RBFOX2: variants seen among roughly 807,000 people sequenced by gnomAD.
RBFOX2 encodes the protein RNA binding fox-1 homolog 2.
RBFOX2 carries 10 observed loss-of-function variants against 49.1 expected under a neutral mutation model. The ratio of observed to expected loss-of-function variants is 0.20; its 90% CI spans 0.13 to 0.35. The LOEUF is 0.35. Ranked by LOEUF, RBFOX2 falls within the 10% of genes least tolerant of loss-of-function variation. The pLI, the probability that RBFOX2 is intolerant of heterozygous loss-of-function variation, is 1.00. For missense variants in RBFOX2, 323 were observed against 486.9 expected, an observed-to-expected ratio of 0.66 and a Z score of 3.17; for synonymous variants, 183 against 187.4, an observed-to-expected ratio of 0.98 and a Z score of 0.19.
rs139155564 is a variant in RBFOX2 at position 35,985,364 on chromosome 22, C to T, written c.186+42876G>A. On this transcript the variant is annotated intron_variant, in intron 1 of 13. Coordinates refer to the RBFOX2 transcript ENST00000438146. ...GTAAAATGGGTAGACTGGATTAGAC[C>T]GGGATTGTAACACTCACCAGAGGTA... Among the ~76,000 whole-genome samples the T allele has an allele frequency of 2.7e-4, 41 of 152,182 alleles. No individual in the cohort carries two copies. In the East Asian group the frequency reaches 6.8e-3, roughly 25 times the overall value.
intron 1 of RBFOX2, among the ~76,000 whole-genome samples, chr22:35,859,261 A>G (rs1412774666): frequency 1.3e-5 from 2 of 152,198 alleles, no homozygotes; most frequent in African/African-American, 2.4e-5. Context: ...TAAAAAAACT[A>G]GCGGGAGTTT....
Position 35,866,726 on chromosome 22 carries a change from A to C in RBFOX2, c.-33-56722T>G, listed in dbSNP as rs530234638. 1.6e-4 allele frequency among the ~76,000 whole-genome samples: 24 copies of C among 152,184 alleles called. 1 individual carries two copies. The highest frequency in any genetic ancestry group is 2.9e-4 in the Non-Finnish European group (20 of 68,040). On this transcript the variant is annotated intron_variant, in intron 1 of 13. Transcript: ENST00000359369. Reference sequence around the variant, plus strand: ...CACTGACAAAAAAAAGCCCCCAGTGAAAGGCTCCTCTCAGCCAAAGAACAA... The same window carrying C: ...CACTGACAAAAAAAAGCCCCCAGTGCAAGGCTCCTCTCAGCCAAAGAACAA...
Position 35,861,134 on chromosome 22 carries a change from C to T in RBFOX2, c.-33-51130G>A, listed in dbSNP as rs115445342. On this transcript the variant is annotated intron_variant, in intron 1 of 13. Transcript: ENST00000359369. ...GCTGACACAACTGGATGAAAAGAAA[C>T]GAGATTTATACTTCTTTCCAAATAC... Among the ~76,000 whole-genome samples, 704 of 152,188 alleles carry T rather than the reference C, an allele frequency of 4.6e-3. 3 individuals carry two copies. The highest frequency in any genetic ancestry group is 0.016 in the African/African-American group (670 of 41,518).
chr22:35,814,159 G>A (rs1305577572), intron 1 of RBFOX2, among the ~76,000 whole-genome samples: 1 of 152,120 alleles, frequency 6.6e-6, no homozygotes, highest in Admixed American at 6.5e-5. Flanking sequence ...TATGCTAAAT[G>A]TTTTCATTCT....
intron 1 of RBFOX2, among the ~76,000 whole-genome samples, chr22:35,977,141 T>C (rs1388231676): frequency 6.6e-6 from 1 of 152,060 alleles, no homozygotes; most frequent in Non-Finnish European, 1.5e-5. Context: ...AGATATCCAT[T>C]ATATACCTAT....
At chr22:35,859,236 G>A (rs938381487) in intron 1 of RBFOX2, among the ~76,000 whole-genome samples, 45 of 152,106 alleles carry the variant, frequency 3.0e-4, no homozygotes, top group Non-Finnish European at 5.3e-4. Flanking sequence ...AGCAATTAAT[G>A]CTTAAAATGT....
intron 1 of RBFOX2, among the ~76,000 whole-genome samples, chr22:35,900,342 T>C (rs915034332): frequency 2.2e-4 from 33 of 152,068 alleles, no homozygotes; most frequent in African/African-American, 8.0e-4. Flanking sequence ...GCTACTTGTT[T>C]TATACGAGTT....
intron 1 of RBFOX2, among the ~76,000 whole-genome samples, chr22:35,857,922 T>A (rs1198001670): frequency 6.6e-6 from 1 of 152,206 alleles, no homozygotes; most frequent in Non-Finnish European, 1.5e-5. Context: ...CGATCTCACA[T>A]CCTTTATACT....
At chr22:35,837,218 A>T (rs1395405106) in intron 1 of RBFOX2, among the ~76,000 whole-genome samples, 1 of 152,214 alleles carries the variant, frequency 6.6e-6, no homozygotes, top group Non-Finnish European at 1.5e-5. Context: ...ACTGACAAGG[A>T]TCTAATATGG....
At chr22:35,747,226 C>T (rs1225468325) in intron 9 of RBFOX2, 1 of 152,200 alleles carries the variant, frequency 6.6e-6, no homozygotes, top group Non-Finnish European at 1.5e-5. Flanking sequence ...AAATATTTAC[C>T]ACTTGGCCCT....
rs1445736103 is a variant in RBFOX2, at chr22:35,753,145, G to A, written c.888-6584C>T. ...GTGTCTTCTCTTCAAGCTCCGATTC[G>A]GTGCACTTTTCATACTAAACTCTCT... On this transcript the variant is annotated intron_variant, in intron 9 of 11. Coordinates refer to ENST00000405409, the Ensembl canonical transcript of RBFOX2. 2.6e-5 allele frequency among the ~76,000 whole-genome samples: 4 copies of A among 152,066 alleles called. No individual in the cohort carries two copies. In the East Asian group the frequency reaches 5.8e-4, roughly 22 times the overall value.
intron 4 of RBFOX2, 117 bp from the exon 6 acceptor site, chr22:35,768,466 A>T: frequency 2.4e-6 from 2 of 846,638 alleles, no homozygotes; most frequent in Non-Finnish European, 3.7e-6. Flanking sequence ...ACAACTCAGC[A>T]ATAATCTCCC....
At chr22:35,949,305 C>G (rs1304631036) in intron 1 of RBFOX2, among the ~76,000 whole-genome samples, 1 of 152,152 alleles carries the variant, frequency 6.6e-6, no homozygotes, top group Non-Finnish European at 1.5e-5. Flanking sequence ...ACTTGGGTTG[C>G]CTCCACCTTT....
chr22:35,863,996 C>T (rs888447236), intron 1 of RBFOX2, among the ~76,000 whole-genome samples: 11 of 152,192 alleles, frequency 7.2e-5, no homozygotes, highest in Admixed American at 2.6e-4. Flanking sequence ...CTGGTAAAAA[C>T]TTCTTCTGCT....
chr22:36,004,158 C>T (rs908062366), intron 1 of RBFOX2, among the ~76,000 whole-genome samples: 1 of 152,180 alleles, frequency 6.6e-6, no homozygotes, highest in African/African-American at 2.4e-5. Flanking sequence ...ACTTCCCCAA[C>T]CTCCATGACT....
intron 1 of RBFOX2, among the ~76,000 whole-genome samples, chr22:36,020,517 T>C (rs1046788566): frequency 6.6e-6 from 1 of 152,072 alleles, no homozygotes; most frequent in Non-Finnish European, 1.5e-5. Context: ...AGGGCTAATA[T>C]CCAGAATCTA....
chr22:35,744,334 A>AG, intron 11 of RBFOX2, 85 bp from the exon 14 acceptor site: 1 of 1,284,490 alleles, frequency 7.8e-7, no homozygotes, highest in South Asian at 1.5e-5. Flanking sequence ...AGAGGGATCT[A>AG]GAAACAGCCT....
At chr22:35,743,955 A>T (rs928725937) in exon 12 of RBFOX2, 14 of 222,054 alleles carry the variant, frequency 6.3e-5, no homozygotes, top group South Asian at 1.7e-4. Flanking sequence ...ACCACAGTTT[A>T]AAAAAAAAAA....
chr22:35,922,240 A>G (rs950551966), intron 1 of RBFOX2, among the ~76,000 whole-genome samples: 5 of 152,220 alleles, frequency 3.3e-5, no homozygotes, highest in Admixed American at 3.3e-4. Flanking sequence ...GAATAAACTG[A>G]GTTTGTAAAT....
Sources: allele counts gnomAD v4.1 joint callset (sites outside exome capture counted in the v4.1 genomes callset), GRCh38; gene constraint gnomAD v4.1.1; transcripts MANE v1.5; gene names NCBI Gene and HGNC (gene_info 2026-07-23, HGNC 2026-07-21).